Variants in NARS2 observed in about 807,000 individuals in gnomAD.
NARS2 encodes the protein asparaginyl-tRNA synthetase.
NARS2 carries 60 observed loss-of-function variants against 62.9 expected under a neutral mutation model. The ratio of observed to expected loss-of-function variants is 0.95; its 90% CI spans 0.77 to 1.18. The LOEUF (loss-of-function observed/expected upper bound fraction) is 1.18. NARS2 is among the 50% of genes most tolerant of loss of function. The pLI, the probability that NARS2 is intolerant of heterozygous loss-of-function variation, is 0.00. For missense variants in NARS2, 619 were observed against 576.4 expected (o/e 1.07, Z -0.76); for synonymous variants, 196 against 200.0 (o/e 0.98, Z 0.17).
chr11:78,451,622 C>G (rs1164048985), intron 11 of NARS2, among the ~76,000 whole-genome samples: 1 of 152,058 alleles, frequency 6.6e-6, no homozygotes, highest in Admixed American at 6.6e-5. Flanking sequence ...ACAATAAAGA[C>G]AGGAGGAATT....
chr11:78,511,077 GGTT>G (rs576941999), intron 6 of NARS2, among the ~76,000 whole-genome samples: 134 of 152,150 alleles, frequency 8.8e-4, no homozygotes, highest in Non-Finnish European at 1.6e-3. Flanking sequence ...TTGTTACTGT[GGTT>G]GTTTTTTGTT....
Position 78,515,745 on chromosome 11 carries a change from A to C in NARS2, c.689+13097T>G, listed in dbSNP as rs191301553. 5.9e-4 allele frequency among the ~76,000 whole-genome samples: 90 copies of C among 151,856 alleles called. 1 individual carries two copies. The highest frequency in any genetic ancestry group is 5.0e-3 in the Admixed American group (77 of 15,258). ...TCTTGCTATTGTCCAGTCTAGTCTCAAACTCTAGGCTCAAGCCGTCCTCTT... is the reference window on the plus strand; with the variant it reads ...TCTTGCTATTGTCCAGTCTAGTCTCCAACTCTAGGCTCAAGCCGTCCTCTT... On this transcript the variant is annotated intron_variant, in intron 6 of 13. Coordinates refer to ENST00000281038, the MANE Select transcript of NARS2 (RefSeq NM_024678.6).
intron 4 of NARS2, among the ~76,000 whole-genome samples, chr11:78,563,319 G>C (rs1856616131): frequency 6.8e-6 from 1 of 147,078 alleles, no homozygotes; most frequent in South Asian, 2.2e-4. Flanking sequence ...CCGGATTCAA[G>C]TGATTCTCCT....
In NARS2 at chr11:78,549,489, A is replaced by C. The variant is rs1317531519; in HGVS notation, c.594+10050T>G. Among the ~76,000 whole-genome samples the C allele has an allele frequency of 3.3e-5, 5 of 152,182 alleles. 1 individual carries two copies. Among genetic ancestry groups the C allele is most frequent in the Admixed American group, 2.0e-4 (3 of 15,274 alleles). On this transcript the variant is annotated intron_variant, in intron 5 of 13. Transcript: ENST00000281038. Reference sequence around the variant, plus strand: ...TCCAGAATAGTGGTGGTTGTGATGAAAGGCAGATTGAAAGAGTCACTGGTG... The same window carrying C: ...TCCAGAATAGTGGTGGTTGTGATGACAGGCAGATTGAAAGAGTCACTGGTG...
chr11:78,572,108 C>A (rs1397821686), intron 1 of NARS2, among the ~76,000 whole-genome samples: 1 of 151,998 alleles, frequency 6.6e-6, no homozygotes, highest in Non-Finnish European at 1.5e-5. Context: ...CTTGAACCCA[C>A]GAGGCGGAGG....
chr11:78,536,166 G>A (rs918720379), intron 5 of NARS2, among the ~76,000 whole-genome samples: 19 of 152,116 alleles, frequency 1.2e-4, no homozygotes, highest in African/African-American at 4.1e-4. Flanking sequence ...CATTACTCAC[G>A]TATTTGTGGT....
intron 6 of NARS2, among the ~76,000 whole-genome samples, chr11:78,520,508 T>C (rs1355562211): frequency 1.3e-5 from 2 of 152,120 alleles, no homozygotes; most frequent in Non-Finnish European, 2.9e-5. Flanking sequence ...CTAAAAAAGG[T>C]TGCAATCACA....
At chr11:78,540,843 A>G (rs1459373834) in intron 5 of NARS2, among the ~76,000 whole-genome samples, 7 of 152,328 alleles carry the variant, frequency 4.6e-5, no homozygotes, top group Middle Eastern at 6.8e-3. Flanking sequence ...CTTTCACGAT[A>G]CAGATAGTAA....
intron 7 of NARS2, among the ~76,000 whole-genome samples, chr11:78,487,353 C>T: frequency 8.8e-6 from 1 of 113,808 alleles, no homozygotes; most frequent in South Asian, 2.8e-4. Flanking sequence ...GAGGCTCTGT[C>T]TAAAAAAAAA....
At chr11:78,492,024 T>C (rs1158475704) in intron 7 of NARS2, among the ~76,000 whole-genome samples, 5 of 151,662 alleles carry the variant, frequency 3.3e-5, no homozygotes, top group African/African-American at 1.2e-4. Flanking sequence ...AATAGACAAT[T>C]CATAATTTAA....
At chr11:78,502,330 G>A (rs1285641985) in intron 6 of NARS2, among the ~76,000 whole-genome samples, 1 of 152,188 alleles carries the variant, frequency 6.6e-6, no homozygotes, top group Non-Finnish European at 1.5e-5. Flanking sequence ...TCTCTTTCTG[G>A]TTTGCTGAAG....
chr11:78,493,881 A>C (rs1003217370), intron 6 of NARS2, among the ~76,000 whole-genome samples: 17 of 152,182 alleles, frequency 1.1e-4, no homozygotes, highest in African/African-American at 4.1e-4. Context: ...ACCGCAGCCC[A>C]AGAAACCCCA....
chr11:78,463,313 G>A (rs1858469619), intron 11 of NARS2, among the ~76,000 whole-genome samples: 2 of 152,226 alleles, frequency 1.3e-5, no homozygotes, highest in South Asian at 4.1e-4. Flanking sequence ...TCCCACCTTG[G>A]ACTACCAAAG....
intron 5 of NARS2, among the ~76,000 whole-genome samples, chr11:78,544,115 C>G (rs1855753859): frequency 6.6e-6 from 1 of 151,654 alleles, no homozygotes; most frequent in Non-Finnish European, 1.5e-5. Flanking sequence ...CACTATCTGT[C>G]CACCTAAAAT....
intron 6 of NARS2, among the ~76,000 whole-genome samples, chr11:78,503,891 C>T (rs989969620): frequency 1.3e-5 from 2 of 152,126 alleles, no homozygotes; most frequent in Admixed American, 1.3e-4. Flanking sequence ...TCTGCCATGC[C>T]AGGCCTTGTA....
At chr11:78,491,873 TG>T (rs1859833697) in intron 7 of NARS2, among the ~76,000 whole-genome samples, 3 of 152,174 alleles carry the variant, frequency 2.0e-5, no homozygotes, top group African/African-American at 7.2e-5. Context: ...ATGGTATTTA[TG>T]TTTTAAGTGG....
At chr11:78,450,573 CA>C (rs1483679391) in intron 11 of NARS2, among the ~76,000 whole-genome samples, 1 of 150,656 alleles carries the variant, frequency 6.6e-6, no homozygotes, top group Non-Finnish European at 1.5e-5. Context: ...CATTCCTTTA[CA>C]ATGTCTCATA....
chr11:78,544,928 T>G (rs1855797391), intron 5 of NARS2, among the ~76,000 whole-genome samples: 1 of 149,880 alleles, frequency 6.7e-6, no homozygotes, highest in African/African-American at 2.5e-5. Flanking sequence ...TGCAGTGAGG[T>G]GAGATCGCGC....
intron 6 of NARS2, 50 bp from the exon 7 acceptor site, chr11:78,493,245 T>C (rs751004909): frequency 6.7e-7 from 1 of 1,486,464 alleles, no homozygotes; most frequent in Admixed American, 2.1e-5. Flanking sequence ...TGATTAATTT[T>C]AAGTATTTAA....
Sources: allele counts gnomAD v4.1 joint callset (sites outside exome capture counted in the v4.1 genomes callset), GRCh38; gene constraint gnomAD v4.1.1; transcripts MANE v1.5; gene names NCBI Gene and HGNC (gene_info 2026-07-23, HGNC 2026-07-21).